The following IFT74 variants were observed in gnomAD, a reference collection of about 807,000 sequenced individuals.
The protein encoded by IFT74 is intraflagellar transport protein 74 homolog.
IFT74 carries 92 observed loss-of-function variants against 96.7 expected under a neutral mutation model. The ratio of observed to expected loss-of-function variants is 0.95; its 90% CI spans 0.80 to 1.13. The LOEUF is 1.13. Among genes scored for constraint, IFT74 ranks in the 50% most tolerant of loss-of-function variants. The pLI is 0.00. For missense variants in IFT74, 811 were observed against 698.2 expected, an observed-to-expected ratio of 1.16 and a Z score of -1.82; for synonymous variants, 223 against 213.2, an observed-to-expected ratio of 1.05 and a Z score of -0.40.
Position 27,065,933 on chromosome 9 carries a change from C to T in IFT74, c.*3197C>T, listed in dbSNP as rs1264667912. ...AAATTGTAAGTTTACAGTTTGATAACTGAAAAACATTTTTAAAAAGGCAAT... is the reference window on the plus strand; with the variant it reads ...AAATTGTAAGTTTACAGTTTGATAATTGAAAAACATTTTTAAAAAGGCAAT... On this transcript the variant is annotated 3_prime_UTR_variant, in exon 20 of 20. Transcript: ENST00000380062. 6.6e-6 allele frequency among the ~76,000 whole-genome samples: 1 copy of T among 152,008 alleles called. No individual in the cohort carries two copies. Among genetic ancestry groups the T allele is most frequent in the Non-Finnish European group, 1.5e-5 (1 of 68,006 alleles).
upstream of IFT74, among the ~76,000 whole-genome samples, chr9:26,953,217 G>A (rs925156133): frequency 6.6e-6 from 1 of 152,056 alleles, no homozygotes; most frequent in African/African-American, 2.4e-5. Flanking sequence ...ATGCCTTCAG[G>A]TTAAAATAAT....
intron 14 of IFT74, among the ~76,000 whole-genome samples, chr9:27,045,354 C>T (rs776642147): frequency 4.6e-5 from 7 of 152,130 alleles, no homozygotes; most frequent in Non-Finnish European, 1.0e-4. Flanking sequence ...TTCCATGGTC[C>T]CTGGTGCCAA....
chr9:27,025,905 C>T (rs1212927612), intron 12 of IFT74, among the ~76,000 whole-genome samples: 1 of 152,074 alleles, frequency 6.6e-6, no homozygotes, highest in African/African-American at 2.4e-5. Flanking sequence ...CTCACAGGGC[C>T]TATAAAACAA....
chr9:27,051,043 T>G (rs192683887), intron 16 of IFT74, among the ~76,000 whole-genome samples: 1 of 152,148 alleles, frequency 6.6e-6, no homozygotes, highest in Non-Finnish European at 1.5e-5. Flanking sequence ...AGTGTGACTA[T>G]TTATGCTTTT....
At chr9:27,036,631 G>T in intron 13 of IFT74, 2 of 1,431,990 alleles carry the variant, frequency 1.4e-6, no homozygotes, top group South Asian at 1.7e-5. Flanking sequence ...TTTGAGCAGT[G>T]TTCATCTGGC....
intron 4 of IFT74, among the ~76,000 whole-genome samples, chr9:26,981,132 G>C (rs976455512): frequency 2.0e-5 from 3 of 152,164 alleles, no homozygotes; most frequent in Non-Finnish European, 2.9e-5. Context: ...GGGCAGAGTC[G>C]TCATGTCCTG....
At chr9:26,974,195 C>T (rs1262199508) in intron 2 of IFT74, among the ~76,000 whole-genome samples, 1 of 152,242 alleles carries the variant, frequency 6.6e-6, no homozygotes, top group African/African-American at 2.4e-5. Context: ...GGTTTGGAGC[C>T]ACCTGTTGAA....
intron 11 of IFT74, among the ~76,000 whole-genome samples, chr9:27,018,360 A>G (rs1436986234): frequency 1.3e-5 from 2 of 152,200 alleles, no homozygotes; most frequent in African/African-American, 2.4e-5. Flanking sequence ...CTAGATGTTT[A>G]TATCAACTTA....
At chr9:27,022,319 C>T (rs78959733) in intron 12 of IFT74, among the ~76,000 whole-genome samples, 9,524 of 152,068 alleles carry the variant, frequency 0.063, 369 homozygotes, top group African/African-American at 0.1. Flanking sequence ...TATGCAGGCT[C>T]GCTTTGGGTT....
chr9:27,046,641 A>G (rs991969252), intron 14 of IFT74, among the ~76,000 whole-genome samples: 39 of 152,214 alleles, frequency 2.6e-4, no homozygotes, highest in African/African-American at 4.8e-5. Context: ...TGGAAATTAT[A>G]GAAATAAAGT....
intron 8 of IFT74, chr9:26,996,219 A>AT (rs1282213772): frequency 1.3e-4 from 107 of 828,614 alleles, no homozygotes; most frequent in Non-Finnish European, 1.7e-4. Context: ...TTTCTTTTAC[A>AT]TTTTTTATAC....
rs779193892 is a variant in IFT74 at position 27,064,913 on chromosome 9, G to C, written c.*2177G>C. 1.3e-5 allele frequency among the ~76,000 whole-genome samples: 2 copies of C among 151,958 alleles called. No individual in the cohort carries two copies. Among genetic ancestry groups the C allele is most frequent in the Non-Finnish European group, 2.9e-5 (2 of 67,974 alleles). ...TTTTGGTATTTTCAAAATTGTCTGT[G>C]ATGTACATTTAATACTTAGAAATGC... On this transcript the variant is annotated 3_prime_UTR_variant, in exon 20 of 20. Transcript: ENST00000380062.
upstream of IFT74, among the ~76,000 whole-genome samples, chr9:26,954,285 G>A (rs1211651986): frequency 3.9e-5 from 6 of 152,212 alleles, no homozygotes; most frequent in East Asian, 9.6e-4. Context: ...GGAATCACAA[G>A]TGGCCAACTA....
intron 12 of IFT74, among the ~76,000 whole-genome samples, chr9:27,023,702 C>T (rs947093717): frequency 6.6e-6 from 1 of 152,226 alleles, no homozygotes; most frequent in African/African-American, 2.4e-5. Context: ...CCCTCTTTCT[C>T]TATCTTTTGG....
At chr9:26,986,532 G>T (rs1827645036) in intron 6 of IFT74, among the ~76,000 whole-genome samples, 1 of 151,960 alleles carries the variant, frequency 6.6e-6, no homozygotes, top group Admixed American at 6.6e-5. Flanking sequence ...GCCCATACTG[G>T]TCTCAAACTC....
intron 2 of IFT74, among the ~76,000 whole-genome samples, chr9:26,974,312 A>G (rs1041962496): frequency 6.6e-6 from 1 of 152,046 alleles, no homozygotes. Context: ...GGTCTTCCCA[A>G]TTTTCCAATT....
At chr9:27,051,201 G>C (rs532986851) in intron 16 of IFT74, among the ~76,000 whole-genome samples, 1 of 152,256 alleles carries the variant, frequency 6.6e-6, no homozygotes, top group South Asian at 2.1e-4. Context: ...AAGGGTTTTA[G>C]ATAAGGGATT....
chr9:27,010,485 GT>G lies in IFT74; in HGVS notation c.726+1340del, dbSNP rs375246441. Among the ~76,000 whole-genome samples the G allele has an allele frequency of 4.6e-3, 591 of 128,078 alleles. 2 individuals are homozygous for G. Among genetic ancestry groups the G allele is most frequent in the African/African-American group, 0.015 (508 of 33,546 alleles). The allele number at this position is 128,078 out of a possible 152,430, so 84.0% of individuals were successfully genotyped here. A position where few individuals can be genotyped will look rare whatever the true frequency, so the allele number is the denominator to read the frequency against. On this transcript the variant is annotated intron_variant, in intron 9 of 19. Coordinates refer to ENST00000380062, the MANE Select transcript of IFT74 (RefSeq NM_025103.4). ...ATCATTCTACTACCCCCTTTTTTTT[GT>G]TTTTTTTTTTTTGTTTTTTTTGAGA...
chr9:26,992,210 T>G (rs1827917732), intron 8 of IFT74, among the ~76,000 whole-genome samples: 1 of 152,216 alleles, frequency 6.6e-6, no homozygotes, highest in Admixed American at 6.5e-5. Flanking sequence ...AAACATAATT[T>G]CAAGAATAAA....
Sources: gnomAD v4.1 joint callset for allele counts (sites outside exome capture counted in the v4.1 genomes callset) on GRCh38, gnomAD v4.1.1 for gene constraint, MANE v1.5 for transcripts, NCBI Gene and HGNC (gene_info 2026-07-23, HGNC 2026-07-21) for gene names.